Variants in TTC16 observed in about 807,000 individuals in gnomAD.
TTC16 encodes the protein tetratricopeptide repeat domain 16, also known as tetratricopeptide repeat protein 16.
In TTC16, 66 loss-of-function variants were observed where a neutral mutation model predicts 80.4. The observed-to-expected ratio is 0.82, with a 90% CI of 0.67 to 1.01. The LOEUF is 1.01. Among genes scored for constraint, TTC16 ranks in the 50% least tolerant of loss-of-function variants. The pLI is 0.00. For missense variants in TTC16, 1,070 were observed against 1,103.2 expected, an observed-to-expected ratio of 0.97 and a Z score of 0.43; for synonymous variants, 438 against 451.3, an observed-to-expected ratio of 0.97 and a Z score of 0.37.
intron 4 of TTC16, 152 bp from the exon 5 acceptor site, chr9:127,719,926 G>A (rs903257847): frequency 1.5e-6 from 1 of 657,326 alleles, no homozygotes; most frequent in Non-Finnish European, 2.7e-6. Flanking sequence ...ATCTCTGTCT[G>A]TGTCTCTGCC....
chr9:127,720,918 TC>T (rs1650754050), intron 6 of TTC16, among the ~76,000 whole-genome samples: 2 of 14,786 alleles, frequency 1.4e-4, no homozygotes, highest in Non-Finnish European at 2.5e-4. Flanking sequence ...TCCTCCCTCC[TC>T]CCTTCCTCCC....
chr9:127,723,614 CT>C (rs1468405129), intron 7 of TTC16, among the ~76,000 whole-genome samples: 5 of 152,222 alleles, frequency 3.3e-5, no homozygotes, highest in Admixed American at 1.3e-4. Flanking sequence ...GTGGAGGAGA[CT>C]TAGGCTTGAG....
chr9:127,717,521 TCCC>T, intron 3 of TTC16, 97 bp downstream of exon 3: 1 of 1,571,388 alleles, frequency 6.4e-7, no homozygotes, highest in Non-Finnish European at 8.7e-7. Context: ...GGCCACCAAG[TCCC>T]TGATGGGAAT....
chr9:127,726,388 A>C lies in TTC16; in HGVS notation c.1409A>C (p.Asn470Thr), dbSNP rs1588451106. The C allele has an allele frequency of 6.2e-7, 1 of 1,601,976 alleles. No individual in the cohort carries two copies. The highest frequency in any genetic ancestry group is 8.5e-7 in the Non-Finnish European group (1 of 1,173,276). Residue 470 changes from asparagine to threonine, a missense_variant, in exon 10 of 14, where the codon AAC (asparagine) becomes ACC (threonine). Coordinates refer to ENST00000373289, the MANE Select transcript of TTC16 (RefSeq NM_144965.3). ...GATGTGGCCACTGTCCTGCTCCTCA[A>C]CCCCAAGCAACCAAAGGTAGGTTCC... Reference protein sequence around the residue: ...RQDVATVLLLNPKQPKLSLLM... With the variant: ...RQDVATVLLLTPKQPKLSLLM...
intron 9 of TTC16, 24 bp from the exon 10 acceptor site, chr9:127,726,215 C>T (rs538927): frequency 0.58 from 895,828 of 1,546,030 alleles, 263,462 homozygotes; most frequent in African/African-American, 0.75. Context: ...CTCATAGCAG[C>T]TTGGGACCCA....
At chr9:127,720,424 G>GC (rs746723999) in intron 6 of TTC16, 29 bp downstream of exon 6, 2 of 1,609,572 alleles carry the variant, frequency 1.2e-6, no homozygotes, top group Non-Finnish European at 1.7e-6. Context: ...GCAGGGGCAT[G>GC]CCCCCCAACC....
chr9:127,725,203 G>A (rs1773642078), intron 9 of TTC16, among the ~76,000 whole-genome samples: 1 of 152,172 alleles, frequency 6.6e-6, no homozygotes, highest in Non-Finnish European at 1.5e-5. Flanking sequence ...GAGCCAGGGA[G>A]GCGGAGCTGG....
rs1197515354 is a variant in TTC16, at chr9:127,724,907, C to T, written c.1259+10C>T. ...GCGAGCAGAGGCGCAAGTGCGTGGG[C>T]TCCCGCCCCCACGGTGGGCGGGGCA... On this transcript the variant is annotated intron_variant, in intron 9 of 13. Coordinates refer to ENST00000373289, the MANE Select transcript of TTC16 (RefSeq NM_144965.3). 2 of 1,502,674 alleles carry T rather than the reference C, an allele frequency of 1.3e-6. No individual in the cohort carries two copies. Among genetic ancestry groups the T allele is most frequent in the African/African-American group, 2.8e-5 (2 of 71,298 alleles). 93.1% of individuals were successfully genotyped at this position (1,502,674 alleles called of 1,614,324 possible). A position where few individuals can be genotyped will look rare whatever the true frequency, so the allele number is the denominator to read the frequency against.
chr9:127,727,452 A>G lies in TTC16; in HGVS notation c.1751A>G (p.Lys584Arg), dbSNP rs1844073624. 6.3e-7 allele frequency: 1 copy of G among 1,578,272 alleles called. No homozygotes were observed. Among genetic ancestry groups the G allele is most frequent in the South Asian group, 1.2e-5 (1 of 86,900 alleles). ...EAPEEEEEKE[K>R]EKKEEKKSEL... is the part of the protein sequence containing the mutation. ...CCTGAGGAGGAGGAAGAAAAGGAGA[A>G]GGAGAAAAAAGAGGTAAGTGGAGTA... Residue 584 changes from lysine (K) to arginine (R), a missense_variant, in exon 12 of 14, where the codon AAG becomes AGG. Transcript: ENST00000373289.
Position 127,723,251 on chromosome 9 carries a change from C to A in TTC16, c.790C>A (p.Gln264Lys). ...CCAAGATGCGGGGATCCTGGCTGTG[C>A]AGGGCAAGCTGCAGCACGCACTGCA... ...ARQDAGILAV[Q>K]GKLQHALQRI... The change falls in exon 7 of 14, where the codon CAG becomes AAG. Residue 264 changes from glutamine to lysine, a missense_variant. Transcript: ENST00000373289. The A allele has an allele frequency of 6.2e-7, 1 of 1,612,918 alleles. No individual in the cohort carries two copies. Among genetic ancestry groups the A allele is most frequent in the Non-Finnish European group, 8.5e-7 (1 of 1,180,024 alleles).
Position 127,720,249 on chromosome 9 carries a change from G to C in TTC16, c.528-17G>C, listed in dbSNP as rs374809128. 7 of 1,613,358 alleles carry C rather than the reference G, an allele frequency of 4.3e-6. No homozygotes were observed. The highest frequency in any genetic ancestry group is 5.1e-6 in the Non-Finnish European group (6 of 1,179,956). On this transcript the variant is annotated splice_polypyrimidine_tract_variant and intron_variant, in intron 5 of 13. Coordinates refer to ENST00000373289, the MANE Select transcript of TTC16 (RefSeq NM_144965.3). ...GCCCCACCCGGGAAACGAGCACTCT[G>C]TGCCCTCTGCCCTCAGCATGGCCTG... is the stretch of plus-strand genomic sequence containing the variant.
Position 127,726,443 on chromosome 9 carries a change from C to A in TTC16, c.1425+39C>A. On this transcript the variant is annotated intron_variant, in intron 10 of 13. Transcript: ENST00000373289. ...ACGTCAGGAGTGTAGGCTCCGGAGT[C>A]ATGCCCGGTGCATAAAGATACTCCT... is the stretch of plus-strand genomic sequence containing the variant. 3 of 1,511,830 alleles carry A rather than the reference C, an allele frequency of 2.0e-6. No homozygotes were observed. In the South Asian group the frequency reaches 3.9e-5, roughly 20 times the overall value. 93.7% of individuals were successfully genotyped at this position (1,511,830 alleles called of 1,614,324 possible).
rs1331123861 is a variant in TTC16, at chr9:127,731,049, A to T, written c.2266A>T (p.Arg756Trp). The T allele has an allele frequency of 1.9e-6, 3 of 1,612,724 alleles. No individual in the cohort carries two copies. In the Admixed American group the frequency reaches 5.0e-5, roughly 27 times the overall value. Reference sequence around the variant, plus strand: ...CGAGATTGAGGCCACCCAGGGCCCAAGGCAGGAGCCCAGCAAGACCAAGAC... The same window carrying T: ...CGAGATTGAGGCCACCCAGGGCCCATGGCAGGAGCCCAGCAAGACCAAGAC... The part of the protein sequence containing the change: ...SSEIEATQGP[R>W]QEPSKTKTTR... Residue 756 changes from arginine to tryptophan, a missense_variant, in exon 14 of 14, where the codon AGG (arginine) becomes TGG (tryptophan). Physicochemically the swap from Arg to Trp is moderately radical, Grantham distance 101 (BLOSUM62 -3). Transcript: ENST00000373289.
intron 1 of TTC16, chr9:127,716,452 G>A (rs1205609619): frequency 7.0e-6 from 4 of 571,680 alleles, no homozygotes; most frequent in Non-Finnish European, 1.2e-5. Flanking sequence ...CTGCTGGAGT[G>A]AGGGTCCTGA....
Position 127,716,954 on chromosome 9 carries a change from A to G in TTC16, c.129A>G (p.Gln43=), listed in dbSNP as rs115326841. Residue 43 remains glutamine, a synonymous_variant, in exon 2 of 14, where the codon CAA becomes CAG. Transcript: ENST00000373289. ...TCTTTGGGACCAGCCACGTGTTCCAAAGCATCTGTGATGTAAAACCAAAGG... is the reference window on the plus strand; with the variant it reads ...TCTTTGGGACCAGCCACGTGTTCCAGAGCATCTGTGATGTAAAACCAAAGG... The part of the protein sequence containing the change: ...QHIFGTSHVF[Q]SICDVKPKVT... 1.9e-3 allele frequency: 3,128 copies of G among 1,614,070 alleles called. 15 individuals are homozygous for G. Among genetic ancestry groups the G allele is most frequent in the African/African-American group, 0.014 (1,045 of 75,002 alleles).
At chr9:127,724,674 G>GCCC in intron 8 of TTC16, 82 bp from the exon 9 acceptor site, 1 of 1,528,796 alleles carries the variant, frequency 6.5e-7, no homozygotes, top group Non-Finnish European at 8.8e-7. Context: ...TCAGGCCCTG[G>GCCC]CCCCCGGGCT....
chr9:127,727,115 A>G lies in TTC16; in HGVS notation c.1568+3A>G, dbSNP rs1417549021. 6.3e-7 allele frequency: 1 copy of G among 1,593,872 alleles called. No individual in the cohort carries two copies. On this transcript the variant is annotated splice_donor_region_variant and intron_variant, in intron 11 of 13. Transcript: ENST00000373289. The stretch of plus-strand genomic sequence containing the variant: ...GGCAGCCCACAAGGCATTGTGGGGT[A>G]AGCCCTGGAGCAAGGGGCACAGGCC...
rs181610969 is a variant in TTC16 at position 127,726,252 on chromosome 9, G to A, written c.1273G>A (p.Ala425Thr). The change falls in exon 10 of 14, where the codon GCA becomes ACA. Residue 425 changes from alanine (A) to threonine (T), a missense_variant. By Grantham distance (58) the Ala-to-Thr change is moderately conservative. Transcript: ENST00000373289. The stretch of plus-strand genomic sequence containing the variant: ...TGTGTCGTGCAGGCAGTTCCAGAAG[G>A]CAGAGAACCACTTCTCCACGGCCAT... Reference protein sequence around the residue: ...CEQRRKQFQKAENHFSTAIRH... With the variant: ...CEQRRKQFQKTENHFSTAIRH... 8.3e-5 allele frequency: 132 copies of A among 1,594,738 alleles called. No individual in the cohort carries two copies. The Admixed American group carries it at 2.2e-3, about 27-fold the overall frequency.
rs1843572438 is a variant in TTC16, at chr9:127,722,269, C to G, written c.658-850C>G. ...CTGCTGTCCACACCATCCCGTTCAC[C>G]TGCCAGCCAGTCACCCCGCAGGGAA... On this transcript the variant is annotated intron_variant, in intron 6 of 13. Coordinates refer to ENST00000373289, the MANE Select transcript of TTC16 (RefSeq NM_144965.3). The surrounding 1 kb of genome is among the most constrained non-coding windows in gnomAD (Gnocchi z 4.2). Among the ~76,000 whole-genome samples the G allele has an allele frequency of 6.6e-6, 1 of 152,200 alleles. No homozygotes were observed. The highest frequency in any genetic ancestry group is 6.5e-5 in the Admixed American group (1 of 15,282).
Sources: allele counts gnomAD v4.1 joint callset (sites outside exome capture counted in the v4.1 genomes callset), GRCh38; gene constraint gnomAD v4.1.1; non-coding constraint Gnocchi (gnomAD v3.1); transcripts MANE v1.5; gene names NCBI Gene and HGNC (gene_info 2026-07-23, HGNC 2026-07-21).